NDST4: variants seen among roughly 807,000 people sequenced by gnomAD.
NDST4 encodes the protein N-deacetylase and N-sulfotransferase 4.
NDST4 carries 63 observed loss-of-function variants against 100.8 expected under a neutral mutation model. The ratio of observed to expected loss-of-function variants is 0.62; its 90% CI spans 0.51 to 0.77. NDST4 has a LOEUF of 0.77. Among genes scored for constraint, NDST4 ranks in the 30% least tolerant of loss-of-function variants. The probability of loss-of-function intolerance (pLI) is 0.00; values close to 1 mark genes in which losing one functional copy is unlikely to be tolerated. For synonymous variants in NDST4, 377 were observed against 361.8 expected (o/e 1.04, Z -0.48); for missense variants, 943 against 1,018.4 (o/e 0.93, Z 1.01).
intron 2 of NDST4, among the ~76,000 whole-genome samples, chr4:115,008,626 G>C (rs1359392769): frequency 7.8e-6 from 1 of 128,690 alleles, no homozygotes; most frequent in Non-Finnish European, 1.7e-5. Context: ...AATGGCACAA[G>C]ACAGGGATGC....
intron 6 of NDST4, among the ~76,000 whole-genome samples, chr4:114,913,863 T>C (rs1166900172): frequency 6.6e-6 from 1 of 152,024 alleles, no homozygotes; most frequent in Non-Finnish European, 1.5e-5. Flanking sequence ...ATGAACATTT[T>C]GAGGATACTT....
intron 7 of NDST4, among the ~76,000 whole-genome samples, chr4:114,867,741 A>G (rs892882668): frequency 6.1e-5 from 9 of 147,940 alleles, no homozygotes; most frequent in African/African-American, 2.4e-4. Context: ...CAAAATAATA[A>G]AGGACATGAA....
At chr4:114,930,023 T>G (rs574201518) in intron 6 of NDST4, among the ~76,000 whole-genome samples, 4 of 152,294 alleles carry the variant, frequency 2.6e-5, no homozygotes, top group South Asian at 4.1e-4. Flanking sequence ...AAGGGTATGA[T>G]GAAGTGACTC....
intron 2 of NDST4, among the ~76,000 whole-genome samples, chr4:115,037,150 G>C (rs1023251911): frequency 6.6e-6 from 1 of 151,978 alleles, no homozygotes. Context: ...CCTTTGTAAG[G>C]ATAGTGGTCA....
chr4:114,859,711 C>T (rs112859518), intron 7 of NDST4, among the ~76,000 whole-genome samples: 2,577 of 152,244 alleles, frequency 0.017, 26 homozygotes, highest in Non-Finnish European at 0.028. Flanking sequence ...TGCAGGGGTA[C>T]GGAAGACTGA....
At chr4:114,999,401 A>C (rs921470196) in intron 2 of NDST4, among the ~76,000 whole-genome samples, 1 of 152,034 alleles carries the variant, frequency 6.6e-6, no homozygotes, top group African/African-American at 2.4e-5. Flanking sequence ...TCTACTTCCT[A>C]CTTTATGAGA....
At chr4:115,081,192 T>C (rs1309117907) in intron 1 of NDST4, among the ~76,000 whole-genome samples, 1 of 152,116 alleles carries the variant, frequency 6.6e-6, no homozygotes, top group East Asian at 1.9e-4. Context: ...TGTTCAGAGT[T>C]AGAAGAATGA....
At chr4:115,090,017 C>G (rs571943127) in intron 1 of NDST4, among the ~76,000 whole-genome samples, 3 of 151,718 alleles carry the variant, frequency 2.0e-5, no homozygotes, top group Non-Finnish European at 4.4e-5. Context: ...TCTTCACCAA[C>G]TTTAAGTGTA....
chr4:115,077,596 C>T (rs1381472286), intron 1 of NDST4, among the ~76,000 whole-genome samples: 1 of 152,054 alleles, frequency 6.6e-6, no homozygotes, highest in African/African-American at 2.4e-5. Context: ...TAAGCTTTAA[C>T]AAAGTATGTC....
At chr4:114,987,933 C>T (rs1440277158) in intron 2 of NDST4, among the ~76,000 whole-genome samples, 1 of 152,062 alleles carries the variant, frequency 6.6e-6, no homozygotes, top group African/African-American at 2.4e-5. Context: ...TTATGCAATG[C>T]AAATGAAAAA....
At chr4:114,843,990 CA>C (rs1723490703) in intron 10 of NDST4, among the ~76,000 whole-genome samples, 1 of 150,596 alleles carries the variant, frequency 6.6e-6, no homozygotes, top group Admixed American at 6.6e-5. Flanking sequence ...CACCCCACCC[CA>C]ACCCTCCTGT....
intron 2 of NDST4, among the ~76,000 whole-genome samples, chr4:115,056,126 T>C (rs1355977639): frequency 6.6e-6 from 1 of 151,680 alleles, no homozygotes; most frequent in Non-Finnish European, 1.5e-5. Flanking sequence ...TCAAGGCGAG[T>C]AGAGGGCTTG....
chr4:114,898,547 A>G (rs1724766836), intron 6 of NDST4, among the ~76,000 whole-genome samples: 1 of 152,144 alleles, frequency 6.6e-6, no homozygotes, highest in South Asian at 2.1e-4. Context: ...CTCCTCGTAT[A>G]AACTTTAAAA....
intron 6 of NDST4, among the ~76,000 whole-genome samples, chr4:114,922,303 T>C (rs1322366228): frequency 1.3e-5 from 2 of 152,088 alleles, no homozygotes; most frequent in Non-Finnish European, 2.9e-5. Flanking sequence ...TAGAAACACT[T>C]GACTGGTAAG....
intron 6 of NDST4, among the ~76,000 whole-genome samples, chr4:114,912,764 T>A (rs1037565431): frequency 6.6e-6 from 1 of 152,146 alleles, no homozygotes; most frequent in Non-Finnish European, 1.5e-5. Flanking sequence ...AATTATCATG[T>A]CTGCTTCACT....
intron 7 of NDST4, among the ~76,000 whole-genome samples, chr4:114,858,931 A>T (rs1484444184): frequency 6.6e-6 from 1 of 152,228 alleles, no homozygotes; most frequent in Non-Finnish European, 1.5e-5. Context: ...CCATCCTGGT[A>T]GGGGTAATTG....
intron 1 of NDST4, among the ~76,000 whole-genome samples, chr4:115,093,319 C>G (rs1179335113): frequency 6.6e-6 from 1 of 151,834 alleles, no homozygotes; most frequent in Non-Finnish European, 1.5e-5. Flanking sequence ...ACTAAAAATA[C>G]AAAAAGTTAG....
intron 4 of NDST4, among the ~76,000 whole-genome samples, chr4:114,950,938 C>T (rs561170794): frequency 6.6e-6 from 1 of 152,080 alleles, no homozygotes; most frequent in Non-Finnish European, 1.5e-5. Flanking sequence ...AAAATCTCAG[C>T]GTCTCGATCA....
chr4:115,087,124 T>C (rs891951106), intron 1 of NDST4, among the ~76,000 whole-genome samples: 2 of 152,084 alleles, frequency 1.3e-5, no homozygotes, highest in Non-Finnish European at 2.9e-5. Flanking sequence ...CCAGGGTTTC[T>C]GACATTCAGA....
Sources: allele counts gnomAD v4.1 joint callset (sites outside exome capture counted in the v4.1 genomes callset), GRCh38; gene constraint gnomAD v4.1.1; transcripts MANE v1.5; gene names NCBI Gene and HGNC (gene_info 2026-07-23, HGNC 2026-07-21).